ITSN2: variants seen among roughly 807,000 people sequenced by gnomAD.
The protein encoded by ITSN2 is intersectin-2.
In ITSN2, 156 loss-of-function variants were observed where a neutral mutation model predicts 243.7. That is an observed-to-expected ratio of 0.64 (90% CI 0.56 to 0.73). ITSN2 has a LOEUF of 0.73. Among genes scored for constraint, ITSN2 ranks in the 30% least tolerant of loss-of-function variants. The pLI, the probability that ITSN2 is intolerant of heterozygous loss-of-function variation, is 0.00. For synonymous variants in ITSN2, 703 were observed against 699.9 expected (o/e 1.00, Z -0.07); for missense variants, 1,801 against 1,996.1 (o/e 0.90, Z 1.86).
At chr2:24,319,698 C>A (rs1329664078) in intron 2 of ITSN2, among the ~76,000 whole-genome samples, 1 of 152,208 alleles carries the variant, frequency 6.6e-6, no homozygotes, top group African/African-American at 2.4e-5. Context: ...ATCCAGGAGG[C>A]TATGTTAGAG....
intron 1 of ITSN2, among the ~76,000 whole-genome samples, chr2:24,347,626 C>T (rs988249836): frequency 2.6e-5 from 4 of 151,732 alleles, no homozygotes; most frequent in Non-Finnish European, 5.9e-5. Flanking sequence ...GCGTAGGTTG[C>T]GGTGAGCTGA....
intron 13 of ITSN2, 77 bp downstream of exon 13, chr2:24,298,588 G>T: frequency 4.4e-6 from 6 of 1,355,114 alleles, no homozygotes; most frequent in South Asian, 1.4e-5. Flanking sequence ...GAGCCACCAC[G>T]CCTGGCCCAC....
At chr2:24,290,883 G>A (rs1006354965) in intron 15 of ITSN2, among the ~76,000 whole-genome samples, 3 of 151,634 alleles carry the variant, frequency 2.0e-5, no homozygotes, top group South Asian at 2.1e-4. Context: ...CTTATGTTTC[G>A]ATATCTGATA....
intron 29 of ITSN2, among the ~76,000 whole-genome samples, chr2:24,228,446 T>A (rs1459195199): frequency 6.6e-6 from 1 of 152,188 alleles, no homozygotes; most frequent in East Asian, 1.9e-4. Context: ...ATCAAAATAA[T>A]CATTGACTGT....
chr2:24,263,532 CAA>C (rs1350068582), intron 20 of ITSN2, among the ~76,000 whole-genome samples: 1 of 152,158 alleles, frequency 6.6e-6, no homozygotes. Flanking sequence ...CCATCACCCC[CAA>C]AAGTTTCCTC....
At chr2:24,332,712 C>T (rs1574343676) in intron 1 of ITSN2, among the ~76,000 whole-genome samples, 2 of 152,130 alleles carry the variant, frequency 1.3e-5, no homozygotes, top group South Asian at 2.1e-4. Context: ...GAATAATTAC[C>T]TAATGCTTAA....
intron 17 of ITSN2, among the ~76,000 whole-genome samples, chr2:24,282,560 A>G (rs1574137952): frequency 6.6e-6 from 1 of 152,156 alleles, no homozygotes; most frequent in African/African-American, 2.4e-5. Context: ...GGTAACACGA[A>G]CCGCCTATAG....
In ITSN2 at chr2:24,258,030, G is replaced by T. The variant is rs1346486887; in HGVS notation, c.2746C>A (p.His916Asn). Residue 916 changes from histidine (H) to asparagine (N), a missense_variant, in exon 23 of 40, where the codon CAC becomes AAC. Physicochemically the swap from His to Asn is moderately conservative, Grantham distance 68. Transcript: ENST00000355123. ...ATGTCATGTTTTGAGAAGTTCAAGTGGTTATCTTTCTTTGCAGTCCAGGAA... is the reference window on the plus strand; with the variant it reads ...ATGTCATGTTTTGAGAAGTTCAAGTTGTTATCTTTCTTTGCAGTCCAGGAA... ...LCSWTAKKDN[H>N]LNFSKHDIIT... 1.2e-6 allele frequency: 2 copies of T among 1,613,992 alleles called. No homozygotes were observed. Among genetic ancestry groups the T allele is most frequent in the Non-Finnish European group, 1.7e-6 (2 of 1,179,938 alleles).
chr2:24,293,404 T>C (rs1680527072), intron 15 of ITSN2: 1 of 205,672 alleles, frequency 4.9e-6, no homozygotes, highest in South Asian at 9.4e-5. Flanking sequence ...AATTTATATC[T>C]TATAGTCTAA....
intron 1 of ITSN2, 73 bp from the exon 2 acceptor site, chr2:24,328,188 G>C (rs935126159): frequency 9.5e-7 from 1 of 1,050,838 alleles, no homozygotes; most frequent in Non-Finnish European, 1.5e-6. Context: ...CCGCTAAGCA[G>C]TAGGAATGTC....
intron 1 of ITSN2, chr2:24,334,595 G>A: frequency 9.5e-7 from 1 of 1,056,204 alleles, no homozygotes; most frequent in Non-Finnish European, 1.4e-6. Context: ...AGTACAAGAA[G>A]GGCAAGAATT....
chr2:24,334,807 T>C (rs1259312889), intron 1 of ITSN2: 5 of 1,202,548 alleles, frequency 4.2e-6, no homozygotes, highest in Non-Finnish European at 5.9e-6. Context: ...CTCACGCCTG[T>C]AATCCCAGCA....
At chr2:24,339,597 A>C (rs2151899924) in intron 1 of ITSN2, among the ~76,000 whole-genome samples, 1 of 152,260 alleles carries the variant, frequency 6.6e-6, no homozygotes, top group Admixed American at 6.5e-5. Flanking sequence ...GGAAGGTTGG[A>C]AGGGATACCA....
At chr2:24,340,691 T>C (rs1686954934) in intron 1 of ITSN2, among the ~76,000 whole-genome samples, 1 of 151,930 alleles carries the variant, frequency 6.6e-6, no homozygotes, top group South Asian at 2.1e-4. Flanking sequence ...TCTCTTTTGT[T>C]CAGCATTTGG....
intron 1 of ITSN2, among the ~76,000 whole-genome samples, chr2:24,352,094 G>T (rs1688071724): frequency 1.3e-5 from 2 of 152,080 alleles, no homozygotes; most frequent in South Asian, 4.2e-4. Context: ...TTTATCATAG[G>T]TATGTATATA....
At chr2:24,325,418 A>G (rs1247163367) in intron 2 of ITSN2, among the ~76,000 whole-genome samples, 1 of 152,144 alleles carries the variant, frequency 6.6e-6, no homozygotes, top group Non-Finnish European at 1.5e-5. Flanking sequence ...CTCAAAAAAC[A>G]AAACACTGCA....
intron 14 of ITSN2, among the ~76,000 whole-genome samples, chr2:24,295,293 A>G (rs1448955901): frequency 6.6e-6 from 1 of 152,082 alleles, no homozygotes; most frequent in African/African-American, 2.4e-5. Context: ...ACAAAACTCT[A>G]TTAGAAGAAC....
chr2:24,206,161 GATCA>G (rs1399732891), intron 37 of ITSN2: 8 of 350,856 alleles, frequency 2.3e-5, no homozygotes, highest in Admixed American at 9.0e-5. Flanking sequence ...GTTATGAAAT[GATCA>G]ATCATTGATT....
rs1681310223 is a variant in ITSN2 at position 24,298,651 on chromosome 2, A to T, written c.1494+14T>A. On this transcript the variant is annotated intron_variant, in intron 13 of 39. Transcript: ENST00000355123. ...TCATCATTCAGATAAATTTCACTTA[A>T]ACTTCAGCCATACCAGTGCTTCCAA... 1 of 1,589,390 alleles carries T rather than the reference A, an allele frequency of 6.3e-7. No individual in the cohort carries two copies.
Sources: allele counts gnomAD v4.1 joint callset (sites outside exome capture counted in the v4.1 genomes callset), GRCh38; gene constraint gnomAD v4.1.1; transcripts MANE v1.5; gene names NCBI Gene and HGNC (gene_info 2026-07-23, HGNC 2026-07-21).